Variants in PIP5K1C observed in about 807,000 individuals in gnomAD.
PIP5K1C encodes phosphatidylinositol 4-phosphate 5-kinase type-1 gamma.
A neutral mutation model predicts 80.1 loss-of-function variants in PIP5K1C; 45 were observed. The ratio of observed to expected loss-of-function variants is 0.56; its 90% CI spans 0.44 to 0.72. The LOEUF is 0.72. Among genes scored for constraint, PIP5K1C ranks in the 30% least tolerant of loss-of-function variants. PIP5K1C has a pLI of 0.00. For synonymous variants in PIP5K1C, 498 were observed against 420.1 expected (o/e 1.19, Z -2.27); for missense variants, 753 against 954.6 (o/e 0.79, Z 2.78).
intron 16 of PIP5K1C, among the ~76,000 whole-genome samples, chr19:3,635,409 C>T (rs1424553346): frequency 6.6e-5 from 10 of 152,002 alleles, no homozygotes; most frequent in East Asian, 1.9e-4. Context: ...TAAGGCCGGG[C>T]GTGGTGGCTC....
Position 3,700,421 on chromosome 19 carries a change from G to C in PIP5K1C, c.-31C>G. 9.4e-7 allele frequency: 1 copy of C among 1,059,860 alleles called. No individual in the cohort carries two copies. The highest frequency in any genetic ancestry group is 1.1e-6 in the Non-Finnish European group (1 of 876,572). 65.7% of individuals were successfully genotyped at this position (1,059,860 alleles called of 1,614,324 possible). A position where few individuals can be genotyped will look rare whatever the true frequency, so the allele number is the denominator to read the frequency against. On this transcript the variant is annotated 5_prime_UTR_variant, in exon 1 of 18. Coordinates refer to ENST00000335312, the MANE Select transcript of PIP5K1C (RefSeq NM_012398.3). The stretch of plus-strand genomic sequence containing the variant: ...CGCGCGGACGGCGGCGGGGGCGCCC[G>C]AGGGGGACCCGAGCTGCGACCGCCG...
At chr19:3,666,859 C>A (rs1044144171) in intron 2 of PIP5K1C, among the ~76,000 whole-genome samples, 1 of 152,268 alleles carries the variant, frequency 6.6e-6, no homozygotes, top group Non-Finnish European at 1.5e-5. Context: ...CTGTGCACTA[C>A]GCCTGTGTGG....
intron 7 of PIP5K1C, among the ~76,000 whole-genome samples, chr19:3,653,082 C>T (rs1311514087): frequency 1.3e-5 from 2 of 152,242 alleles, no homozygotes; most frequent in Non-Finnish European, 2.9e-5. Flanking sequence ...GGATCCCAGG[C>T]GTGAGCCACT....
intron 5 of PIP5K1C, among the ~76,000 whole-genome samples, chr19:3,657,509 A>T (rs1362262883): frequency 6.6e-6 from 1 of 152,188 alleles, no homozygotes; most frequent in Non-Finnish European, 1.5e-5. Context: ...CCCAGGGTCA[A>T]CGCTGGGTCC....
chr19:3,700,316 T>C lies in PIP5K1C; in HGVS notation c.75A>G (p.Ala25=), dbSNP rs938548044. 7.7e-7 allele frequency: 1 copy of C among 1,291,324 alleles called. No individual in the cohort carries two copies. The highest frequency in any genetic ancestry group is 1.5e-5 in the South Asian group (1 of 65,644). 80.0% of individuals were successfully genotyped at this position (1,291,324 alleles called of 1,614,324 possible). A position where few individuals can be genotyped will look rare whatever the true frequency, so the allele number is the denominator to read the frequency against. The stretch of plus-strand genomic sequence containing the variant: ...CGTTACCTGCCGCCGCCCCGCTCTC[T>C]GCCGCCCACGCCGCCTCCGAGGGCA... ...GAVPSEAAWA[A]ESGAAAGLAQ... The change falls in exon 1 of 18, where the codon GCA becomes GCG. Residue 25 remains alanine (A), a synonymous_variant. Transcript: ENST00000335312.
At chr19:3,672,470 C>T (rs56080886) in intron 1 of PIP5K1C, 17,439 of 152,428 alleles carry the variant, frequency 0.11, 1,423 homozygotes, top group Admixed American at 0.26. Context: ...CATGGACTGA[C>T]AGATACCCGT....
At chr19:3,639,820 C>T (rs910046159) in intron 15 of PIP5K1C, among the ~76,000 whole-genome samples, 1 of 152,182 alleles carries the variant, frequency 6.6e-6, no homozygotes, top group Admixed American at 6.5e-5. Context: ...GGAGAGGGTG[C>T]GGCTACTGCC....
chr19:3,641,841 CCCT>C lies in PIP5K1C; in HGVS notation c.1683-35_1683-33del, dbSNP rs553919270. 2.5e-3 allele frequency: 3,897 copies of C among 1,558,694 alleles called. 12 individuals carry two copies. Among genetic ancestry groups the C allele is most frequent in the South Asian group, 4.2e-3 (379 of 89,644 alleles). On this transcript the variant is annotated intron_variant, in intron 14 of 17. Transcript: ENST00000335312. Reference sequence around the variant, plus strand: ...GCAATGGGAGGTTGTGCCTCGGTTTCCCTCCTCACTTCCCCCATCCTACCCCCA... The same window carrying C: ...GCAATGGGAGGTTGTGCCTCGGTTTCCCTCACTTCCCCCATCCTACCCCCA...
intron 1 of PIP5K1C, among the ~76,000 whole-genome samples, chr19:3,679,589 G>A (rs961812598): frequency 5.3e-5 from 8 of 152,216 alleles, no homozygotes; most frequent in Admixed American, 5.2e-4. Context: ...AGCAGCACCG[G>A]TGAATGGAGC....
intron 5 of PIP5K1C, among the ~76,000 whole-genome samples, chr19:3,657,785 C>T (rs58887722): frequency 2.7e-5 from 4 of 150,224 alleles, no homozygotes; most frequent in African/African-American, 9.8e-5. Context: ...AGAAAGAAAA[C>T]AAAAACAGGC....
Position 3,662,380 on chromosome 19 carries a change from G to A in PIP5K1C, c.220-379C>T, listed in dbSNP as rs527742711. Among the ~76,000 whole-genome samples, 53 of 152,302 alleles carry A rather than the reference G, an allele frequency of 3.5e-4. 1 individual carries two copies. The highest frequency in any genetic ancestry group is 1.1e-3 in the African/African-American group (47 of 41,570). On this transcript the variant is annotated intron_variant, in intron 3 of 17. Coordinates refer to ENST00000335312, the MANE Select transcript of PIP5K1C (RefSeq NM_012398.3). ...GTTTTTAGGGGGTACCATTTACAGC[G>A]AGATGCCCAGATCACTTTCACATCT...
Position 3,648,992 on chromosome 19 carries a change from G to A in PIP5K1C, c.1128-284C>T, listed in dbSNP as rs957319301. On this transcript the variant is annotated intron_variant, in intron 8 of 17. Coordinates refer to ENST00000335312, the MANE Select transcript of PIP5K1C (RefSeq NM_012398.3). This position sits in a 1 kb window ranked among gnomAD's most constrained non-coding sequence, Gnocchi z 4.3. ...CCTGGACACACACATGCACACACAC[G>A]CACACTGCATGCCCAGGTAGGGCCA... 3.3e-5 allele frequency among the ~76,000 whole-genome samples: 5 copies of A among 152,120 alleles called. No individual in the cohort carries two copies. Among genetic ancestry groups the A allele is most frequent in the African/African-American group, 7.2e-5 (3 of 41,428 alleles).
intron 1 of PIP5K1C, among the ~76,000 whole-genome samples, chr19:3,689,827 A>G (rs1041506855): frequency 1.3e-5 from 2 of 151,986 alleles, no homozygotes; most frequent in African/African-American, 4.8e-5. Context: ...AAACTTGCAC[A>G]CACTAACGTA....
At chr19:3,676,714 G>A (rs1406911900) in intron 1 of PIP5K1C, among the ~76,000 whole-genome samples, 43 of 152,126 alleles carry the variant, frequency 2.8e-4, no homozygotes, top group Admixed American at 6.5e-5. Context: ...TCCCATCTCC[G>A]AATCCAGAAA....
At chr19:3,651,335 C>G (rs946994617) in intron 8 of PIP5K1C, among the ~76,000 whole-genome samples, 1 of 152,120 alleles carries the variant, frequency 6.6e-6, no homozygotes, top group African/African-American at 2.4e-5. Flanking sequence ...GGAGTACAGG[C>G]ATGAGACACT....
intron 6 of PIP5K1C, among the ~76,000 whole-genome samples, chr19:3,655,376 C>A (rs1398012931): frequency 6.6e-6 from 1 of 152,174 alleles, no homozygotes; most frequent in East Asian, 1.9e-4. Context: ...CAAGATGGCA[C>A]CACTGCACTC....
At position 3,643,135 on chromosome 19, in the gene PIP5K1C, G is replaced by C. The variant is rs1004843759; in HGVS notation, c.1649+108C>G. The C allele has an allele frequency of 1.2e-5, 19 of 1,553,270 alleles. No homozygotes were observed. The African/African-American group carries it at 2.6e-4, about 21-fold the overall frequency. ...GTGTATGTACATCCACCGTACATAC[G>C]ATGCTCCACCCACATGCACAGCGGA... On this transcript the variant is annotated intron_variant, in intron 13 of 17. Transcript: ENST00000335312.
Position 3,692,883 on chromosome 19 carries a change from C to T in PIP5K1C, c.94+7414G>A, listed in dbSNP as rs1237671326. Reference sequence around the variant, plus strand: ...CACCAGGCGTGGTCCTGCCCCAGAGCCTTTGCACAGTGCCTCTGCCAGACA... The same window carrying T: ...CACCAGGCGTGGTCCTGCCCCAGAGTCTTTGCACAGTGCCTCTGCCAGACA... On this transcript the variant is annotated intron_variant, in intron 1 of 17. Coordinates refer to ENST00000335312, the MANE Select transcript of PIP5K1C (RefSeq NM_012398.3). The surrounding 1 kb of genome is among the most constrained non-coding windows in gnomAD (Gnocchi z 5.2). 6.6e-6 allele frequency among the ~76,000 whole-genome samples: 1 copy of T among 151,838 alleles called. No individual in the cohort carries two copies. Among genetic ancestry groups the T allele is most frequent in the South Asian group, 2.1e-4 (1 of 4,806 alleles).
intron 15 of PIP5K1C, among the ~76,000 whole-genome samples, chr19:3,639,614 T>TA (rs1491451196): frequency 2.6e-5 from 4 of 151,642 alleles, no homozygotes; most frequent in Admixed American, 2.0e-4. Context: ...TTTTTTTTTT[T>TA]AGAGATGGGG....
Sources: gnomAD v4.1 joint callset for allele counts (sites outside exome capture counted in the v4.1 genomes callset) on GRCh38, gnomAD v4.1.1 for gene constraint, Gnocchi (gnomAD v3.1) non-coding constraint, MANE v1.5 for transcripts, NCBI Gene and HGNC (gene_info 2026-07-23, HGNC 2026-07-21) for gene names.